The following ACAD11 variants were observed in gnomAD, a reference collection of about 807,000 sequenced individuals.
ACAD11 encodes the protein acyl-CoA dehydrogenase family member 11, also known as acyl-Coenzyme A dehydrogenase family, member 11.
In ACAD11, 83 loss-of-function variants were observed where a neutral mutation model predicts 102.2. The observed-to-expected ratio is 0.81, with a 90% CI of 0.68 to 0.97. ACAD11 has a LOEUF of 0.97. Ranked by LOEUF, ACAD11 falls within the 50% of genes least tolerant of loss-of-function variation. The probability of loss-of-function intolerance (pLI) is 0.00; values close to 1 mark genes in which losing one functional copy is unlikely to be tolerated. For missense variants in ACAD11, 901 were observed against 951.7 expected (o/e 0.95, Z 0.70); for synonymous variants, 324 against 319.8 (o/e 1.01, Z -0.14).
At chr3:132,643,443 C>G (rs915169958) in intron 2 of ACAD11, among the ~76,000 whole-genome samples, 1 of 152,156 alleles carries the variant, frequency 6.6e-6, no homozygotes, top group Non-Finnish European at 1.5e-5. Context: ...TTAATTAGGA[C>G]AGATGCACAG....
intron 2 of ACAD11, 149 bp from the exon 3 acceptor site, chr3:132,642,951 C>A: frequency 1.4e-6 from 1 of 719,214 alleles, no homozygotes; most frequent in Non-Finnish European, 2.3e-6. Context: ...AATAACTTCC[C>A]TAATAGTAAT....
intron 18 of ACAD11, among the ~76,000 whole-genome samples, chr3:132,560,485 T>C (rs954270696): frequency 4.2e-4 from 64 of 152,220 alleles, no homozygotes; most frequent in Admixed American, 2.2e-3. Flanking sequence ...GGTGTGATCA[T>C]AGCTCACTAC....
intron 5 of ACAD11, among the ~76,000 whole-genome samples, chr3:132,637,078 G>A (rs779906454): frequency 1.4e-4 from 22 of 152,104 alleles, no homozygotes; most frequent in African/African-American, 4.6e-4. Context: ...CTTACTTCAC[G>A]ACTTTATTCT....
chr3:132,651,935 A>T lies in ACAD11; in HGVS notation c.150-7039T>A, dbSNP rs1170603450. On this transcript the variant is annotated intron_variant, in intron 1 of 19. Coordinates refer to ENST00000264990, the MANE Select transcript of ACAD11 (RefSeq NM_032169.5). ...GCAGAAGGGACTTACCTTGTCTCAGATGAGACTTTGGACGGTGGACTTTTG... is the reference window on the plus strand; with the variant it reads ...GCAGAAGGGACTTACCTTGTCTCAGTTGAGACTTTGGACGGTGGACTTTTG... Among the ~76,000 whole-genome samples, 3 of 152,192 alleles carry T rather than the reference A, an allele frequency of 2.0e-5. No homozygotes were observed. In the East Asian group the frequency reaches 5.8e-4, roughly 29 times the overall value.
chr3:132,561,049 G>T, intron 18 of ACAD11, 52 bp downstream of exon 18: 1 of 1,374,316 alleles, frequency 7.3e-7, no homozygotes, highest in Non-Finnish European at 1.0e-6. Flanking sequence ...ACAGGTGAGA[G>T]AACTGGAGAA....
chr3:132,650,835 T>C (rs1370982548), intron 1 of ACAD11, among the ~76,000 whole-genome samples: 1 of 152,104 alleles, frequency 6.6e-6, no homozygotes, highest in Admixed American at 6.5e-5. Flanking sequence ...ATATCATCAA[T>C]ACCAGAAGTC....
intron 11 of ACAD11, among the ~76,000 whole-genome samples, chr3:132,613,215 G>A (rs1260885387): frequency 1.3e-5 from 2 of 151,360 alleles, no homozygotes; most frequent in African/African-American, 4.9e-5. Flanking sequence ...ATCACACTCT[G>A]GGGACTGTTG....
At chr3:132,602,742 C>T (rs958668517) in intron 13 of ACAD11, among the ~76,000 whole-genome samples, 1 of 152,110 alleles carries the variant, frequency 6.6e-6, no homozygotes, top group African/African-American at 2.4e-5. Flanking sequence ...TTTAAAATTA[C>T]TTTTTCTTTC....
intron 1 of ACAD11, among the ~76,000 whole-genome samples, chr3:132,657,903 C>T (rs1937898222): frequency 1.4e-5 from 2 of 144,506 alleles, no homozygotes; most frequent in Non-Finnish European, 3.0e-5. Context: ...CACTCTGTCA[C>T]CTAGGCTGGA....
intron 13 of ACAD11, among the ~76,000 whole-genome samples, chr3:132,580,929 C>T (rs895571198): frequency 1.3e-5 from 2 of 151,860 alleles, no homozygotes; most frequent in Non-Finnish European, 2.9e-5. Context: ...TGAAGTCTAA[C>T]ATCAGAGTAA....
At chr3:132,653,710 A>G (rs1298562890) in intron 1 of ACAD11, among the ~76,000 whole-genome samples, 36 of 151,896 alleles carry the variant, frequency 2.4e-4, no homozygotes, top group Admixed American at 2.2e-3. Context: ...CTTTCCATTA[A>G]TACTACTTTT....
At chr3:132,646,589 A>G (rs1231383118) in intron 1 of ACAD11, 2 of 152,248 alleles carry the variant, frequency 1.3e-5, no homozygotes, top group Non-Finnish European at 2.9e-5. Context: ...CTGCTTCTAC[A>G]TATATATCCA....
At chr3:132,618,600 T>C (rs760966735) in intron 11 of ACAD11, 34 bp downstream of exon 11, 1 of 1,505,832 alleles carries the variant, frequency 6.6e-7, no homozygotes, top group Non-Finnish European at 8.9e-7. Flanking sequence ...ATCAAAATAT[T>C]AGAAAAAATT....
At chr3:132,587,367 T>C (rs72998147) in intron 13 of ACAD11, among the ~76,000 whole-genome samples, 8,286 of 152,272 alleles carry the variant, frequency 0.054, 771 homozygotes, top group African/African-American at 0.19. Flanking sequence ...TTCAAGTTCG[T>C]TCATTCTTTC....
In ACAD11 at chr3:132,585,962, A is replaced by C. The variant is rs531898017; in HGVS notation, c.1622-6404T>G. ...TCCTCAGGGATCTAGAACTAGAAAT[A>C]CCATTTGACCCAGCCATCCCATTAC... is the stretch of plus-strand genomic sequence containing the variant. On this transcript the variant is annotated intron_variant, in intron 13 of 19. Transcript: ENST00000264990. Among the ~76,000 whole-genome samples, 107 of 152,254 alleles carry C rather than the reference A, an allele frequency of 7.0e-4. 1 individual carries two copies. Among genetic ancestry groups the C allele is most frequent in the African/African-American group, 2.0e-3 (83 of 41,550 alleles).
intron 11 of ACAD11, among the ~76,000 whole-genome samples, chr3:132,611,800 C>T (rs2107837546): frequency 6.6e-6 from 1 of 152,034 alleles, no homozygotes; most frequent in African/African-American, 2.4e-5. Context: ...CCATACAGCC[C>T]AAGGTAATTT....
rs758125575 is a variant in ACAD11 at position 132,578,838 on chromosome 3, C to T, written c.1732G>A (p.Gly578Arg). The T allele has an allele frequency of 6.2e-7, 1 of 1,612,990 alleles. No homozygotes were observed. Among genetic ancestry groups the T allele is most frequent in the Non-Finnish European group, 8.5e-7 (1 of 1,179,434 alleles). Residue 578 changes from glycine to arginine, a missense_variant, in exon 15 of 20, where the codon GGA (glycine) becomes AGA (arginine). Gly to Arg is a moderately radical substitution (Grantham distance 125). Transcript: ENST00000264990. ...GACAAAGGCCTTATTATTTTTACTC[C>T]AGGTGTGTTCATGGGAACAAGAATC... is the stretch of plus-strand genomic sequence containing the variant. ...SMILVPMNTP[G>R]VKIIRPLSVF...
At chr3:132,622,696 T>G (rs1051219774) in intron 9 of ACAD11, among the ~76,000 whole-genome samples, 1 of 152,124 alleles carries the variant, frequency 6.6e-6, no homozygotes, top group African/African-American at 2.4e-5. Flanking sequence ...GTAAGAAAAG[T>G]AATTTATTAG....
At chr3:132,641,591 GAA>G (rs1940506245) in intron 4 of ACAD11, among the ~76,000 whole-genome samples, 24 of 150,150 alleles carry the variant, frequency 1.6e-4, no homozygotes, top group African/African-American at 2.7e-4. Flanking sequence ...AGAAGAAGAA[GAA>G]GAAGAAGAAG....
Sources: gnomAD v4.1 joint callset for allele counts (sites outside exome capture counted in the v4.1 genomes callset) on GRCh38, gnomAD v4.1.1 for gene constraint, MANE v1.5 for transcripts, NCBI Gene and HGNC (gene_info 2026-07-23, HGNC 2026-07-21) for gene names.